Variants in TASOR observed in about 807,000 individuals in gnomAD.
TASOR encodes protein TASOR.
TASOR carries 53 observed loss-of-function variants against 178.6 expected under a neutral mutation model. The ratio of observed to expected loss-of-function variants is 0.30; its 90% CI spans 0.24 to 0.37. The LOEUF (loss-of-function observed/expected upper bound fraction) is 0.37, where lower values mean the gene tolerates loss of function less well. Among genes scored for constraint, TASOR ranks in the 10% least tolerant of loss-of-function variants. The pLI is 1.00. For missense variants in TASOR, 1,815 were observed against 1,971.4 expected, an observed-to-expected ratio of 0.92 and a Z score of 1.50; for synonymous variants, 713 against 696.2, an observed-to-expected ratio of 1.02 and a Z score of -0.38.
intron 7 of TASOR, among the ~76,000 whole-genome samples, chr3:56,665,195 C>T (rs2077681687): frequency 6.6e-6 from 1 of 152,060 alleles, no homozygotes; most frequent in Non-Finnish European, 1.5e-5. Context: ...AGAGGGTCCT[C>T]AACACTGGCT....
At chr3:56,667,128 C>A (rs2107622231) in intron 6 of TASOR, among the ~76,000 whole-genome samples, 1 of 152,304 alleles carries the variant, frequency 6.6e-6, no homozygotes, top group Non-Finnish European at 1.5e-5. Flanking sequence ...AACTATCTTA[C>A]ATGTATACTT....
At chr3:56,647,338 A>C in intron 13 of TASOR, 115 bp from the exon 14 acceptor site, 1 of 793,952 alleles carries the variant, frequency 1.3e-6, no homozygotes, top group East Asian at 2.7e-5. Context: ...ATTAATGTTG[A>C]ACCAGACGAG....
At chr3:56,645,647 T>G (rs1183274012) in intron 14 of TASOR, among the ~76,000 whole-genome samples, 1 of 152,184 alleles carries the variant, frequency 6.6e-6, no homozygotes, top group African/African-American at 2.4e-5. Flanking sequence ...ACAAGCGCCT[T>G]ACATGTCTAT....
intron 1 of TASOR, among the ~76,000 whole-genome samples, chr3:56,676,763 G>A (rs2031336027): frequency 6.6e-6 from 1 of 152,122 alleles, no homozygotes; most frequent in Non-Finnish European, 1.5e-5. Flanking sequence ...GTCAAATCAT[G>A]AATCTGCATA....
chr3:56,664,998 G>C (rs746019547), intron 7 of TASOR, among the ~76,000 whole-genome samples: 11 of 152,138 alleles, frequency 7.2e-5, no homozygotes, highest in Admixed American at 3.3e-4. Context: ...AACACAGCAA[G>C]ACCCATTTCC....
rs2031956548 is a variant in TASOR, at chr3:56,683,158, C to T, written c.-152G>A. 2 of 816,918 alleles carry T rather than the reference C, an allele frequency of 2.4e-6. No homozygotes were observed. Among genetic ancestry groups the T allele is most frequent in the Non-Finnish European group, 1.9e-6 (1 of 539,534 alleles). The allele number at this position is 816,918 out of a possible 1,614,324, so 50.6% of individuals were successfully genotyped here. On this transcript the variant is annotated 5_prime_UTR_variant, in exon 1 of 24. Coordinates refer to ENST00000683822, the MANE Select transcript of TASOR (RefSeq NM_001365635.2). ...TCAGGCTGCGCTCCCGACCTGGCAG[C>T]CTCTTGGGGGGCCCTGTAGCGGGCA...
intron 21 of TASOR, among the ~76,000 whole-genome samples, chr3:56,626,107 A>T (rs1351375693): frequency 1.3e-5 from 2 of 152,240 alleles, no homozygotes. Context: ...ATAATGATTG[A>T]CACAATGTAA....
At chr3:56,672,429 A>C (rs1451370083) in intron 2 of TASOR, among the ~76,000 whole-genome samples, 1 of 152,214 alleles carries the variant, frequency 6.6e-6, no homozygotes, top group Non-Finnish European at 1.5e-5. Context: ...AACCTTTCAA[A>C]ATTAAATCCT....
intron 15 of TASOR, among the ~76,000 whole-genome samples, 198 bp downstream of exon 15, chr3:56,641,147 AGAAG>A (rs781009995): frequency 8.0e-4 from 122 of 151,916 alleles, no homozygotes; most frequent in Admixed American, 1.2e-3. Context: ...TAAGCTTCTA[AGAAG>A]GAAGGAAAAC....
intron 2 of TASOR, among the ~76,000 whole-genome samples, chr3:56,672,811 T>A (rs79373944): frequency 0.027 from 4,077 of 152,338 alleles, 98 homozygotes; most frequent in African/African-American, 0.062. Context: ...AAAGCCCTAC[T>A]AATTCACAAT....
At chr3:56,631,321 C>T (rs1373433154) in intron 18 of TASOR, among the ~76,000 whole-genome samples, 1 of 152,064 alleles carries the variant, frequency 6.6e-6, no homozygotes. Flanking sequence ...GCTATAAAGC[C>T]CATGGTCCCT....
Position 56,626,755 on chromosome 3 carries a change from G to A in TASOR, c.4139+282C>T, listed in dbSNP as rs1233518459. 1.1e-3 allele frequency among the ~76,000 whole-genome samples: 171 copies of A among 150,828 alleles called. 1 individual carries two copies. The highest frequency in any genetic ancestry group is 4.6e-4 in the Non-Finnish European group (31 of 67,670). On this transcript the variant is annotated intron_variant, in intron 21 of 23. Transcript: ENST00000683822. ...CAAAACTCTATCTCAAAAAAAAAAA[G>A]AAAAAAATGCTGATCATTCCATTTG...
Position 56,669,773 on chromosome 3 carries a change from T to C in TASOR, c.662A>G (p.Tyr221Cys), listed in dbSNP as rs762493863. The change falls in exon 5 of 24, where the codon TAT becomes TGT. Residue 221 changes from tyrosine (Y) to cysteine (C), a missense_variant. This residue lies in a region of TASOR where 504 missense variants were observed against 645.3 expected (regional missense o/e 0.78). Transcript: ENST00000683822. Reference protein sequence around the residue: ...SPSMGVYLSRYADLLQANPLD... With the variant: ...SPSMGVYLSRCADLLQANPLD... ...AGGATTCGCTTGTAATAAATCAGCATACCTAGAAAGATAGACACCTAGAAA... is the reference window on the plus strand; with the variant it reads ...AGGATTCGCTTGTAATAAATCAGCACACCTAGAAAGATAGACACCTAGAAA... The C allele has an allele frequency of 6.5e-7, 1 of 1,546,992 alleles. No homozygotes were observed. Among genetic ancestry groups the C allele is most frequent in the Non-Finnish European group, 8.7e-7 (1 of 1,145,140 alleles).
chr3:56,645,354 A>AAAGACACTGATCTGACTAACCTAGACT (rs1342349928), intron 14 of TASOR, among the ~76,000 whole-genome samples: 18 of 152,236 alleles, frequency 1.2e-4, no homozygotes, highest in Non-Finnish European at 2.1e-4. Context: ...AAAAGTGTAA[A>AAAGACACTGATCTGACTAACCTAGACT]AAGACACTGA....
At chr3:56,636,498 A>G (rs188046505) in intron 17 of TASOR, among the ~76,000 whole-genome samples, 1 of 151,502 alleles carries the variant, frequency 6.6e-6, no homozygotes, top group Admixed American at 6.6e-5. Flanking sequence ...TCCACCTCCC[A>G]GGTTCAAACA....
At chr3:56,667,220 A>T (rs538639262) in intron 6 of TASOR, among the ~76,000 whole-genome samples, 1 of 152,354 alleles carries the variant, frequency 6.6e-6, no homozygotes, top group Non-Finnish European at 1.5e-5. Context: ...AATTTTTGCT[A>T]AAAGCCCACA....
At chr3:56,651,892 C>T (rs927335811) in intron 11 of TASOR, among the ~76,000 whole-genome samples, 1 of 152,110 alleles carries the variant, frequency 6.6e-6, no homozygotes, top group African/African-American at 2.4e-5. Context: ...AATGTTTACG[C>T]TAATGTTCAT....
intron 7 of TASOR, among the ~76,000 whole-genome samples, chr3:56,665,864 C>T (rs1427037879): frequency 1.3e-5 from 2 of 151,922 alleles, no homozygotes; most frequent in African/African-American, 2.4e-5. Context: ...CCCAGCTACT[C>T]GGGAGGCTGA....
chr3:56,664,606 T>C (rs1315438923), intron 7 of TASOR, among the ~76,000 whole-genome samples: 2 of 152,214 alleles, frequency 1.3e-5, no homozygotes, highest in Non-Finnish European at 2.9e-5. Context: ...TGTACATATA[T>C]GTTTCATGAT....
Sources: gnomAD v4.1 joint callset for allele counts (sites outside exome capture counted in the v4.1 genomes callset) on GRCh38, gnomAD v4.1.1 for gene constraint, gnomAD v4.1.1 regional missense constraint, MANE v1.5 for transcripts, NCBI Gene and HGNC (gene_info 2026-07-23, HGNC 2026-07-21) for gene names.